DGKD: variants seen among roughly 807,000 people sequenced by gnomAD.
The protein encoded by DGKD is diacylglycerol kinase delta, also known as DAG kinase delta.
In DGKD, 68 loss-of-function variants were observed where a neutral mutation model predicts 154.4. That is an observed-to-expected ratio of 0.44 (90% confidence interval 0.36 to 0.54). The LOEUF (loss-of-function observed/expected upper bound fraction) is 0.54. DGKD is among the 20% of genes least tolerant of loss of function. The pLI is 0.00. For missense variants in DGKD, 1,343 were observed against 1,593.6 expected (o/e 0.84, Z 2.68); for synonymous variants, 693 against 638.0 (o/e 1.09, Z -1.30).
chr2:233,382,971 T>A (rs1453603674), intron 1 of DGKD, among the ~76,000 whole-genome samples: 1 of 152,108 alleles, frequency 6.6e-6, no homozygotes, highest in African/African-American at 2.4e-5. Context: ...GTTCACACTT[T>A]TTACCTATTT....
At chr2:233,394,166 A>G (rs1194235982) in intron 3 of DGKD, among the ~76,000 whole-genome samples, 1 of 152,236 alleles carries the variant, frequency 6.6e-6, no homozygotes, top group Non-Finnish European at 1.5e-5. Flanking sequence ...AGCTTTGTTA[A>G]GCGTGTAAAT....
intron 1 of DGKD, among the ~76,000 whole-genome samples, chr2:233,376,794 G>A (rs760001800): frequency 5.9e-5 from 9 of 152,020 alleles, no homozygotes; most frequent in Non-Finnish European, 1.2e-4. Context: ...GTAATCTTTG[G>A]AAAGTGCTTA....
rs2063523864 is a variant in DGKD, at chr2:233,458,369, T to C, written c.2666T>C (p.Ile889Thr). Residue 889 changes from isoleucine (I) to threonine (T), a missense_variant, in exon 22 of 30, where the codon ATC becomes ACC. Coordinates refer to ENST00000264057, the MANE Select transcript of DGKD (RefSeq NM_152879.3). This position sits in a 1 kb window ranked among gnomAD's most constrained non-coding sequence, Gnocchi z 6.6. The stretch of plus-strand genomic sequence containing the variant: ...ATGCAGATGGCCGTCTCTCGAGTCA[T>C]CAGGCTACAGCATCATCGGATCGCC... Reference protein sequence around the residue: ...GSMQMAVSRVIRLQHHRIAQC... With the variant: ...GSMQMAVSRVTRLQHHRIAQC... The C allele has an allele frequency of 1.2e-6, 2 of 1,611,190 alleles. No homozygotes were observed. Among genetic ancestry groups the C allele is most frequent in the South Asian group, 1.1e-5 (1 of 91,044 alleles).
intron 1 of DGKD, among the ~76,000 whole-genome samples, chr2:233,376,021 C>T (rs1702558101): frequency 6.6e-6 from 1 of 152,138 alleles, no homozygotes; most frequent in African/African-American, 2.4e-5. Context: ...TTTCATTCCA[C>T]AGCTCGATAG....
chr2:233,407,999 A>G (rs970935171), intron 3 of DGKD, among the ~76,000 whole-genome samples: 3 of 151,998 alleles, frequency 2.0e-5, no homozygotes, highest in African/African-American at 7.2e-5. Flanking sequence ...TTTTCTGGGC[A>G]AAATTCCTAA....
At chr2:233,370,168 A>G (rs1160877427) in intron 1 of DGKD, among the ~76,000 whole-genome samples, 1 of 151,838 alleles carries the variant, frequency 6.6e-6, no homozygotes, top group Non-Finnish European at 1.5e-5. Flanking sequence ...ACAACCACTA[A>G]TCTGCTTTCC....
rs891094034 is a variant in DGKD, at chr2:233,471,569, G to A, written c.*2109G>A. 1 of 152,406 alleles carries A rather than the reference G, an allele frequency of 6.6e-6. No individual in the cohort carries two copies. The highest frequency in any genetic ancestry group is 2.4e-5 in the African/African-American group (1 of 41,458). The allele number at this position is 152,406 out of a possible 1,614,324, so 9.4% of individuals were successfully genotyped here. A position where few individuals can be genotyped will look rare whatever the true frequency, so the allele number is the denominator to read the frequency against. ...GGGGACATGAGGAGGATAAACAGCT[G>A]ACTGTGGCTTCAAGGACATCAGGGC... On this transcript the variant is annotated 3_prime_UTR_variant, in exon 30 of 30. Transcript: ENST00000264057.
chr2:233,450,694 C>T (rs888879041), intron 16 of DGKD, among the ~76,000 whole-genome samples: 1 of 152,140 alleles, frequency 6.6e-6, no homozygotes, highest in Non-Finnish European at 1.5e-5. Context: ...CTCCCTCCAG[C>T]GCTGCCACCT....
chr2:233,355,503 A>AGAT (rs1446868424), intron 1 of DGKD, among the ~76,000 whole-genome samples: 1 of 152,236 alleles, frequency 6.6e-6, no homozygotes, highest in Non-Finnish European at 1.5e-5. Flanking sequence ...CAGCTCTGGC[A>AGAT]GATCCGGTTG....
chr2:233,415,872 T>C (rs1428841944), intron 3 of DGKD, among the ~76,000 whole-genome samples: 2 of 152,316 alleles, frequency 1.3e-5, no homozygotes, highest in East Asian at 1.9e-4. Flanking sequence ...GGGATCCTCC[T>C]GCTTTGGCCT....
At position 233,449,955 on chromosome 2, in the gene DGKD, T is replaced by A. The variant is rs1242230978; in HGVS notation, c.1889-27T>A. On this transcript the variant is annotated intron_variant, in intron 15 of 29. Transcript: ENST00000264057. The surrounding 1 kb of genome is among the most constrained non-coding windows in gnomAD (Gnocchi z 5.3). ...CGCCCTTGGCTTTGCACCCGCGTGC[T>A]CAGCCGCACACACTCTCCTTGCACA... is the stretch of plus-strand genomic sequence containing the variant. 1 of 1,551,780 alleles carries A rather than the reference T, an allele frequency of 6.4e-7. No homozygotes were observed. The highest frequency in any genetic ancestry group is 1.2e-5 in the South Asian group (1 of 82,142).
intron 26 of DGKD, among the ~76,000 whole-genome samples, chr2:233,463,220 C>A (rs1218628470): frequency 2.0e-5 from 3 of 152,098 alleles, no homozygotes; most frequent in Admixed American, 6.5e-5. Flanking sequence ...GGAGAACCGC[C>A]CCAGGTGTGG....
chr2:233,364,358 C>T (rs543245685), intron 1 of DGKD, among the ~76,000 whole-genome samples: 3 of 152,212 alleles, frequency 2.0e-5, no homozygotes, highest in South Asian at 4.1e-4. Context: ...TCAAGTTAAG[C>T]GTTAGAGTTA....
At chr2:233,404,945 C>G (rs2061647745) in intron 3 of DGKD, among the ~76,000 whole-genome samples, 1 of 151,988 alleles carries the variant, frequency 6.6e-6, no homozygotes, top group African/African-American at 2.4e-5. Context: ...GGAATGGAAC[C>G]AGCTTGGAAA....
At chr2:233,447,906 G>A (rs1321294058) in intron 12 of DGKD, 181 bp from the exon 13 acceptor site, 5 of 1,434,926 alleles carry the variant, frequency 3.5e-6, no homozygotes, top group Middle Eastern at 2.6e-4. Flanking sequence ...CTAGCACTAG[G>A]TGAGTCCCAG....
intron 1 of DGKD, among the ~76,000 whole-genome samples, chr2:233,358,473 T>G (rs1701626878): frequency 6.6e-6 from 1 of 152,200 alleles, no homozygotes; most frequent in African/African-American, 2.4e-5. Flanking sequence ...GAGATATAAT[T>G]CACATGGGAT....
At chr2:233,369,760 T>C (rs570186732) in intron 1 of DGKD, among the ~76,000 whole-genome samples, 1 of 152,296 alleles carries the variant, frequency 6.6e-6, no homozygotes, top group South Asian at 2.1e-4. Flanking sequence ...GGCTCTCCCC[T>C]CACCTTGAAT....
rs1322889464 is a variant in DGKD at position 233,438,747 on chromosome 2, CT to C, written c.1085+369del. On this transcript the variant is annotated intron_variant, in intron 9 of 29. Transcript: ENST00000264057. The surrounding 1 kb of genome is among the most constrained non-coding windows in gnomAD (Gnocchi z 4.1). The stretch of plus-strand genomic sequence containing the variant: ...ATTTTATAATTTTTTATTTATCTGT[CT>C]ATCTATCATCTATCTATCTATCTAT... Among the ~76,000 whole-genome samples, 5 of 81,108 alleles carry C rather than the reference CT, an allele frequency of 6.2e-5. No individual in the cohort carries two copies. The highest frequency in any genetic ancestry group is 1.3e-4 in the Non-Finnish European group (5 of 38,420). 53.2% of individuals were successfully genotyped at this position (81,108 alleles called of 152,430 possible).
At chr2:233,464,977 A>G (rs1329947761) in intron 27 of DGKD, among the ~76,000 whole-genome samples, 1 of 152,242 alleles carries the variant, frequency 6.6e-6, no homozygotes, top group Non-Finnish European at 1.5e-5. Context: ...ACCCCTGCCC[A>G]GTGGGGTTTG....
Sources: allele counts gnomAD v4.1 joint callset (sites outside exome capture counted in the v4.1 genomes callset), GRCh38; gene constraint gnomAD v4.1.1; non-coding constraint Gnocchi (gnomAD v3.1); transcripts MANE v1.5; gene names NCBI Gene and HGNC (gene_info 2026-07-23, HGNC 2026-07-21).